The following TSPAN5 variants were observed in gnomAD, a reference collection of about 807,000 sequenced individuals.
TSPAN5 encodes tetraspanin-5.
Under a neutral mutation model 37.1 loss-of-function variants are expected in TSPAN5, and 10 were observed. The observed-to-expected ratio is 0.27, with a 90% CI of 0.17 to 0.46. The LOEUF (loss-of-function observed/expected upper bound fraction) is 0.46, where lower values mean the gene tolerates loss of function less well. Among genes scored for constraint, TSPAN5 ranks in the 20% least tolerant of loss-of-function variants. The probability of loss-of-function intolerance (pLI) is 1.00; values close to 1 mark genes in which losing one functional copy is unlikely to be tolerated. For missense variants in TSPAN5, 195 were observed against 326.6 expected (o/e 0.60, Z 3.11); for synonymous variants, 110 against 118.9 (o/e 0.93, Z 0.48).
chr4:98,586,396 T>C (rs570791910), intron 1 of TSPAN5, among the ~76,000 whole-genome samples: 2 of 152,292 alleles, frequency 1.3e-5, no homozygotes, highest in East Asian at 1.9e-4. Flanking sequence ...AGACTGCAGA[T>C]TTGCTGTTGG....
At chr4:98,557,374 G>A (rs991332172) in intron 1 of TSPAN5, among the ~76,000 whole-genome samples, 1 of 152,138 alleles carries the variant, frequency 6.6e-6, no homozygotes, top group Non-Finnish European at 1.5e-5. Flanking sequence ...GAACACACTC[G>A]GGGAGGAATA....
intron 1 of TSPAN5, among the ~76,000 whole-genome samples, chr4:98,642,136 C>CA (rs2110278949): frequency 6.6e-6 from 1 of 152,286 alleles, no homozygotes; most frequent in East Asian, 1.9e-4. Flanking sequence ...TATTCCTGCT[C>CA]AAAAGAATTC....
chr4:98,583,246 G>T (rs914990383), intron 1 of TSPAN5, among the ~76,000 whole-genome samples: 2 of 151,726 alleles, frequency 1.3e-5, no homozygotes, highest in African/African-American at 4.8e-5. Context: ...CCTTTTTTAG[G>T]CCCACTTATT....
chr4:98,605,423 G>A (rs1451424249), intron 1 of TSPAN5, among the ~76,000 whole-genome samples: 1 of 152,076 alleles, frequency 6.6e-6, no homozygotes, highest in Non-Finnish European at 1.5e-5. Flanking sequence ...ACACACGACC[G>A]GTCAGCTGAG....
chr4:98,643,902 C>T (rs1757008308), intron 1 of TSPAN5, among the ~76,000 whole-genome samples: 1 of 152,178 alleles, frequency 6.6e-6, no homozygotes, highest in Non-Finnish European at 1.5e-5. Flanking sequence ...GCCCTGTGGG[C>T]AGTTGTTGCC....
intron 1 of TSPAN5, 60 bp downstream of exon 1, chr4:98,658,086 G>A (rs1579060957): frequency 6.8e-7 from 1 of 1,460,912 alleles, no homozygotes; most frequent in Non-Finnish European, 9.6e-7. Context: ...ACAACGTGGG[G>A]GAAATCGTCG....
chr4:98,616,491 AAAAAC>A (rs1348254836), intron 1 of TSPAN5, among the ~76,000 whole-genome samples: 1 of 152,156 alleles, frequency 6.6e-6, no homozygotes, highest in Non-Finnish European at 1.5e-5. Context: ...AGAGCTGTTT[AAAAAC>A]AAAACAAAAC....
At chr4:98,641,314 T>C (rs755878893) in intron 1 of TSPAN5, among the ~76,000 whole-genome samples, 42 of 152,316 alleles carry the variant, frequency 2.8e-4, no homozygotes, top group Non-Finnish European at 3.4e-4. Context: ...CCTAATAACT[T>C]GTTTAAATGA....
At chr4:98,627,827 G>A (rs1278011923) in intron 1 of TSPAN5, among the ~76,000 whole-genome samples, 1 of 152,074 alleles carries the variant, frequency 6.6e-6, no homozygotes, top group African/African-American at 2.4e-5. Flanking sequence ...GTAAATCTTT[G>A]GACTGGACTG....
chr4:98,630,276 G>A (rs189043336), intron 1 of TSPAN5, among the ~76,000 whole-genome samples: 1 of 152,294 alleles, frequency 6.6e-6, no homozygotes, highest in East Asian at 1.9e-4. Flanking sequence ...AGCTGTTCCA[G>A]CCATGAGGCC....
At chr4:98,494,384 C>T in intron 2 of TSPAN5, among the ~76,000 whole-genome samples, 1 of 151,726 alleles carries the variant, frequency 6.6e-6, no homozygotes, top group Non-Finnish European at 1.5e-5. Context: ...CTAATACAGA[C>T]TAGCTTGTCT....
intron 1 of TSPAN5, among the ~76,000 whole-genome samples, chr4:98,610,786 G>A (rs1756166863): frequency 6.6e-6 from 1 of 152,098 alleles, no homozygotes; most frequent in South Asian, 2.1e-4. Flanking sequence ...CCACCCTAAG[G>A]CTGTTCAGGG....
At chr4:98,641,888 G>A (rs1756967557) in intron 1 of TSPAN5, among the ~76,000 whole-genome samples, 1 of 151,996 alleles carries the variant, frequency 6.6e-6, no homozygotes, top group African/African-American at 2.4e-5. Flanking sequence ...TTTATAAACT[G>A]GGGTCTTTGC....
In TSPAN5 at chr4:98,473,893, G is replaced by C. The variant is rs556191137; in HGVS notation, c.742-1306C>G. Among the ~76,000 whole-genome samples the C allele has an allele frequency of 3.3e-5, 5 of 152,180 alleles. No individual in the cohort carries two copies. In the South Asian group the frequency reaches 1.0e-3, roughly 32 times the overall value. On this transcript the variant is annotated intron_variant, in intron 7 of 7. Transcript: ENST00000305798. ...TCCTGCCTCTGCTTCCCAAGCAGCT[G>C]GGATTACAGGGACAAGTCACCATGC...
chr4:98,482,144 A>G lies in TSPAN5; in HGVS notation c.311T>C (p.Leu104Pro). The G allele has an allele frequency of 6.2e-7, 1 of 1,614,108 alleles. No homozygotes were observed. Residue 104 changes from leucine (L) to proline (P), a missense_variant, in exon 4 of 8, where the codon CTG (leucine) becomes CCG (proline). Leu to Pro is a moderately conservative substitution (Grantham distance 98, BLOSUM62 -3). Transcript: ENST00000305798. Reference sequence around the variant, plus strand: ...TGCTAGAACTCCGGCAGTGAGCTCCAGGAAGAAAATAATTCCCAGGAACAC... The same window carrying G: ...TGCTAGAACTCCGGCAGTGAGCTCCGGGAAGAAAATAATTCCCAGGAACAC... The part of the protein sequence containing the change: ...FSVFLGIIFF[L>P]ELTAGVLAFV...
intron 1 of TSPAN5, among the ~76,000 whole-genome samples, chr4:98,529,100 C>G (rs1332602686): frequency 2.0e-5 from 3 of 152,218 alleles, no homozygotes; most frequent in Non-Finnish European, 4.4e-5. Flanking sequence ...CCGTAAATCC[C>G]TGTGTGGCAC....
chr4:98,524,848 T>C (rs923089513), intron 1 of TSPAN5, among the ~76,000 whole-genome samples: 3 of 152,178 alleles, frequency 2.0e-5, no homozygotes, highest in Non-Finnish European at 4.4e-5. Context: ...TTTCCCAGAC[T>C]TTACTATGCA....
chr4:98,501,878 G>A (rs1001819317), intron 2 of TSPAN5, among the ~76,000 whole-genome samples: 14 of 152,200 alleles, frequency 9.2e-5, no homozygotes, highest in African/African-American at 3.4e-4. Flanking sequence ...CACAGAGACA[G>A]CCCTAGGGTG....
At chr4:98,550,315 G>A (rs1404227173) in intron 1 of TSPAN5, among the ~76,000 whole-genome samples, 5 of 152,070 alleles carry the variant, frequency 3.3e-5, no homozygotes, top group South Asian at 2.1e-4. Flanking sequence ...GTCAGGTAAC[G>A]TGACGCCTCT....
Sources: gnomAD v4.1 joint callset for allele counts (sites outside exome capture counted in the v4.1 genomes callset) on GRCh38, gnomAD v4.1.1 for gene constraint, MANE v1.5 for transcripts, NCBI Gene and HGNC (gene_info 2026-07-23, HGNC 2026-07-21) for gene names.